The following TPH1 variants were observed in gnomAD, a reference collection of about 807,000 sequenced individuals.
TPH1 encodes the protein tryptophan 5-hydroxylase 1.
Under a neutral mutation model 49.5 loss-of-function variants are expected in TPH1, and 37 were observed. The observed-to-expected ratio is 0.75, with a 90% CI of 0.58 to 0.98. The LOEUF (loss-of-function observed/expected upper bound fraction) is 0.98. Ranked by LOEUF, TPH1 falls within the 50% of genes least tolerant of loss-of-function variation. The probability of loss-of-function intolerance (pLI) is 0.00; values close to 1 mark genes in which losing one functional copy is unlikely to be tolerated. For missense variants in TPH1, 487 were observed against 523.6 expected, an observed-to-expected ratio of 0.93 and a Z score of 0.68; for synonymous variants, 160 against 182.1, an observed-to-expected ratio of 0.88 and a Z score of 0.98.
intron 2 of TPH1, among the ~76,000 whole-genome samples, chr11:18,038,772 T>C (rs1019352857): frequency 1.3e-5 from 2 of 152,196 alleles, no homozygotes; most frequent in African/African-American, 4.8e-5. Flanking sequence ...CTATGCACAA[T>C]TATTCTTCGA....
chr11:18,032,106 G>A (rs1847996708), intron 4 of TPH1, among the ~76,000 whole-genome samples: 1 of 152,056 alleles, frequency 6.6e-6, no homozygotes, highest in African/African-American at 2.4e-5. Context: ...CATTCACACA[G>A]CTAACACATG....
At chr11:18,031,548 T>C (rs1438044150) in intron 4 of TPH1, among the ~76,000 whole-genome samples, 29 of 152,126 alleles carry the variant, frequency 1.9e-4, no homozygotes, top group Admixed American at 1.8e-3. Context: ...GTCATTCTAA[T>C]GAGGATAAGG....
Position 18,022,675 on chromosome 11 carries a change from G to A in TPH1, c.1160+123C>T. On this transcript the variant is annotated intron_variant, in intron 10 of 10. Coordinates refer to ENST00000682019, the MANE Select transcript of TPH1 (RefSeq NM_004179.3). ...GATACTTGTTATGAAAGGAAGATGTGTTACAGACAGAAGGCTCCTTGTGGG... is the reference window on the plus strand; with the variant it reads ...GATACTTGTTATGAAAGGAAGATGTATTACAGACAGAAGGCTCCTTGTGGG... The A allele has an allele frequency of 3.0e-6, 3 of 1,015,880 alleles. No homozygotes were observed. In the South Asian group the frequency reaches 4.1e-5, roughly 14 times the overall value. The allele number at this position is 1,015,880 out of a possible 1,614,324, so 62.9% of individuals were successfully genotyped here.
chr11:18,034,422 C>T (rs1315671280), intron 3 of TPH1, among the ~76,000 whole-genome samples: 1 of 152,118 alleles, frequency 6.6e-6, no homozygotes, highest in African/African-American at 2.4e-5. Flanking sequence ...AGTAATCACT[C>T]AAAATAGACA....
chr11:18,036,070 C>A lies in TPH1; in HGVS notation c.190G>T (p.Val64Phe). Reference protein sequence around the residue: ...KRRNSEFEIFVDCDINREQLN... With the variant: ...KRRNSEFEIFFDCDINREQLN... Reference sequence around the variant, plus strand: ...TGTTCTCTGTTGATGTCACAGTCAACAAAAATCTCAAATTCTGAGTTTCTT... The same window carrying A: ...TGTTCTCTGTTGATGTCACAGTCAAAAAAAATCTCAAATTCTGAGTTTCTT... Residue 64 changes from valine (V) to phenylalanine (F), a missense_variant, in exon 3 of 11, where the codon GTT becomes TTT. Physicochemically the swap from Val to Phe is conservative, Grantham distance 50. Transcript: ENST00000682019. 1 of 1,613,188 alleles carries A rather than the reference C, an allele frequency of 6.2e-7. No homozygotes were observed. The highest frequency in any genetic ancestry group is 8.5e-7 in the Non-Finnish European group (1 of 1,179,792).
At chr11:18,041,196 T>C (rs1258034769) in intron 1 of TPH1, 1 of 165,318 alleles carries the variant, frequency 6.0e-6, no homozygotes, top group Non-Finnish European at 1.3e-5. Context: ...TTCGAACATA[T>C]CTCACCTTCT....
chr11:18,040,536 T>G, intron 2 of TPH1, 110 bp downstream of exon 2: 2 of 1,111,220 alleles, frequency 1.8e-6, no homozygotes, highest in Non-Finnish European at 2.5e-6. Flanking sequence ...CCCAGCTAAA[T>G]TTGTTTTTTT....
At chr11:18,038,919 G>A (rs964394202) in intron 2 of TPH1, among the ~76,000 whole-genome samples, 21 of 152,062 alleles carry the variant, frequency 1.4e-4, no homozygotes, top group African/African-American at 5.1e-4. Flanking sequence ...AGGGAAGGGA[G>A]GGAGGTGGTA....
In TPH1 at chr11:18,018,408, TGTAATCCCAGCACTTTGG is replaced by T. The variant is rs1854318747; in HGVS notation, c.*2565_*2582del. 1 of 152,090 alleles carries T rather than the reference TGTAATCCCAGCACTTTGG, an allele frequency of 6.6e-6. No homozygotes were observed. The highest frequency in any genetic ancestry group is 2.4e-5 in the African/African-American group (1 of 41,412). The allele number at this position is 152,090 out of a possible 1,614,324, so 9.4% of individuals were successfully genotyped here. ...TTGGCCGGGTGCAGTGGCTCACGCC[TGTAATCCCAGCACTTTGG>T]GAGGCCGAGGTGGGCAGATCACAAT... On this transcript the variant is annotated 3_prime_UTR_variant, in exon 11 of 11. Transcript: ENST00000682019.
At chr11:18,034,864 T>C (rs768400986) in intron 3 of TPH1, among the ~76,000 whole-genome samples, 2 of 152,198 alleles carry the variant, frequency 1.3e-5, no homozygotes, top group Non-Finnish European at 2.9e-5. Flanking sequence ...TCCCATTTGC[T>C]TTTGGAAGGA....
intron 1 of TPH1, among the ~76,000 whole-genome samples, chr11:18,043,559 G>A (rs569506875): frequency 1.4e-4 from 21 of 152,222 alleles, no homozygotes; most frequent in African/African-American, 3.6e-4. Context: ...GAGCAAGATC[G>A]TGTCGCTGCA....
intron 4 of TPH1, among the ~76,000 whole-genome samples, chr11:18,031,656 G>T (rs1292142521): frequency 6.6e-6 from 1 of 152,094 alleles, no homozygotes; most frequent in Non-Finnish European, 1.5e-5. Context: ...AAATACCTAG[G>T]AGGTGAAAAT....
chr11:18,018,527 G>A lies in TPH1; in HGVS notation c.*2464C>T, dbSNP rs140972247. The A allele has an allele frequency of 0.058, 8,865 of 151,646 alleles. 314 individuals are homozygous for A. The highest frequency in any genetic ancestry group is 0.1 in the Middle Eastern group (30 of 290). 9.4% of individuals were successfully genotyped at this position (151,646 alleles called of 1,614,324 possible). ...TAAAAATACAAAAAATGAGCCGGAC[G>A]TGGTGGCGGGCGCCTGTAGTCCCAG... On this transcript the variant is annotated 3_prime_UTR_variant, in exon 11 of 11. Transcript: ENST00000682019.
chr11:18,031,052 A>G (rs575812999), intron 4 of TPH1, among the ~76,000 whole-genome samples: 1 of 152,282 alleles, frequency 6.6e-6, no homozygotes, highest in East Asian at 1.9e-4. Flanking sequence ...CATCTCCATC[A>G]TCTAATTTCA....
At chr11:18,024,118 A>C in intron 8 of TPH1, 135 bp from the exon 9 acceptor site, 1 of 713,286 alleles carries the variant, frequency 1.4e-6, no homozygotes, top group South Asian at 1.5e-5. Flanking sequence ...TCTTTCTACA[A>C]TCTGACCTCA....
intron 1 of TPH1, among the ~76,000 whole-genome samples, chr11:18,044,366 G>C (rs1000402244): frequency 2.0e-5 from 3 of 152,018 alleles, no homozygotes; most frequent in Non-Finnish European, 4.4e-5. Context: ...AGGTTGCAGT[G>C]AGCCAGGATC....
In TPH1 at chr11:18,029,298, G is replaced by T. The variant is rs371800298; in HGVS notation, c.534C>A (p.Phe178Leu). The part of the protein sequence containing the change: ...EEEIKTWGTV[F>L]QELNKLYPTH... ...TTGGGTAGAGTTTGTTGAGCTCTTGGAATACGGTTCCCCAGGTCTTAATCT... is the reference window on the plus strand; with the variant it reads ...TTGGGTAGAGTTTGTTGAGCTCTTGTAATACGGTTCCCCAGGTCTTAATCT... The change falls in exon 6 of 11, where the codon TTC (phenylalanine) becomes TTA (leucine). Residue 178 changes from phenylalanine to leucine, a missense_variant. Coordinates refer to ENST00000682019, the MANE Select transcript of TPH1 (RefSeq NM_004179.3). 1.9e-6 allele frequency: 3 copies of T among 1,613,896 alleles called. No homozygotes were observed. Among genetic ancestry groups the T allele is most frequent in the Non-Finnish European group, 2.5e-6 (3 of 1,179,986 alleles).
chr11:18,025,421 C>G (rs1334642800), intron 8 of TPH1, among the ~76,000 whole-genome samples, 154 bp downstream of exon 8: 1 of 152,040 alleles, frequency 6.6e-6, no homozygotes, highest in Non-Finnish European at 1.5e-5. Flanking sequence ...CTCTCTGTTG[C>G]CCAGGCTGGA....
At chr11:18,042,269 T>C in intron 1 of TPH1, 1 of 421,554 alleles carries the variant, frequency 2.4e-6, no homozygotes, top group South Asian at 1.7e-5. Context: ...AAATTCCAAA[T>C]TGGTGGCTCT....
Sources: allele counts gnomAD v4.1 joint callset (sites outside exome capture counted in the v4.1 genomes callset), GRCh38; gene constraint gnomAD v4.1.1; transcripts MANE v1.5; gene names NCBI Gene and HGNC (gene_info 2026-07-23, HGNC 2026-07-21).